SLC16A7: variants seen among roughly 807,000 people sequenced by gnomAD.
SLC16A7 encodes monocarboxylate transporter 2.
SLC16A7 carries 33 observed loss-of-function variants against 34.9 expected under a neutral mutation model. The ratio of observed to expected loss-of-function variants is 0.94; its 90% CI spans 0.72 to 1.26. The LOEUF is 1.26. Ranked by LOEUF, SLC16A7 falls within the 50% of genes most tolerant of loss-of-function variation. The pLI is 0.00. For synonymous variants in SLC16A7, 201 were observed against 206.6 expected (o/e 0.97, Z 0.23); for missense variants, 573 against 578.1 (o/e 0.99, Z 0.09).
intron 1 of SLC16A7, among the ~76,000 whole-genome samples, chr12:59,604,407 TA>T (rs1159015047): frequency 6.6e-6 from 1 of 152,228 alleles, no homozygotes; most frequent in Non-Finnish European, 1.5e-5. Context: ...AATTGGAAAT[TA>T]GCCACTCAGT....
intron 1 of SLC16A7, among the ~76,000 whole-genome samples, chr12:59,636,395 C>T (rs1880427370): frequency 6.6e-6 from 1 of 151,986 alleles, no homozygotes; most frequent in Admixed American, 6.6e-5. Flanking sequence ...TTAAGTTATT[C>T]TACAGAATGT....
chr12:59,729,858 TAC>T (rs1289888574), intron 3 of SLC16A7, among the ~76,000 whole-genome samples: 2 of 152,226 alleles, frequency 1.3e-5, no homozygotes, highest in Non-Finnish European at 2.9e-5. Flanking sequence ...TAGCTGACCC[TAC>T]ACCTGGAAAG....
chr12:59,635,110 A>G (rs1232822369), intron 1 of SLC16A7, among the ~76,000 whole-genome samples: 5 of 152,050 alleles, frequency 3.3e-5, no homozygotes, highest in Non-Finnish European at 7.4e-5. Flanking sequence ...TCATGCAGCC[A>G]TTAGCTTTTG....
At chr12:59,755,259 A>G (rs1399319736) in intron 3 of SLC16A7, among the ~76,000 whole-genome samples, 2 of 152,164 alleles carry the variant, frequency 1.3e-5, no homozygotes, top group African/African-American at 2.4e-5. Flanking sequence ...GGCCAGGGCA[A>G]TTAGGCAGGG....
At chr12:59,692,056 A>G (rs995534744) in intron 2 of SLC16A7, among the ~76,000 whole-genome samples, 2 of 151,988 alleles carry the variant, frequency 1.3e-5, no homozygotes, top group East Asian at 1.9e-4. Context: ...GAAGAACCAC[A>G]TTCCTTAAAA....
chr12:59,696,190 T>C (rs947989475), intron 2 of SLC16A7, among the ~76,000 whole-genome samples: 1 of 151,930 alleles, frequency 6.6e-6, no homozygotes, highest in Non-Finnish European at 1.5e-5. Flanking sequence ...AATCTTATAC[T>C]TTTTATTTTA....
At chr12:59,597,235 A>G (rs895615259) in intron 1 of SLC16A7, 2 of 147,724 alleles carry the variant, frequency 1.4e-5, no homozygotes, top group Non-Finnish European at 3.0e-5. Context: ...ACACACACAC[A>G]CACACACACA....
chr12:59,635,235 C>T (rs1176289719), intron 1 of SLC16A7, among the ~76,000 whole-genome samples: 1 of 152,038 alleles, frequency 6.6e-6, no homozygotes, highest in Admixed American at 6.6e-5. Flanking sequence ...TATCAGCTTT[C>T]TACTTGTTGG....
chr12:59,639,624 G>A (rs1046966841), intron 1 of SLC16A7, among the ~76,000 whole-genome samples: 2 of 152,114 alleles, frequency 1.3e-5, no homozygotes, highest in African/African-American at 4.8e-5. Flanking sequence ...GGGCTCAAGA[G>A]ATTCTCCCAT....
chr12:59,637,195 A>G (rs1244376099), intron 1 of SLC16A7, among the ~76,000 whole-genome samples: 1 of 152,132 alleles, frequency 6.6e-6, no homozygotes, highest in Admixed American at 6.6e-5. Context: ...TGAAAGGGAA[A>G]GAAACCAACA....
intron 2 of SLC16A7, among the ~76,000 whole-genome samples, chr12:59,697,695 C>T (rs1306643728): frequency 6.6e-6 from 1 of 151,388 alleles, no homozygotes; most frequent in Admixed American, 6.6e-5. Context: ...TATTGCTGCC[C>T]CTGTCTAGAA....
intron 1 of SLC16A7, among the ~76,000 whole-genome samples, chr12:59,647,596 G>A (rs1282444352): frequency 6.7e-6 from 1 of 148,502 alleles, no homozygotes; most frequent in Admixed American, 6.7e-5. Context: ...ATCACATCAG[G>A]TAAAGTTGTG....
At position 59,775,322 on chromosome 12, in the gene SLC16A7, T is replaced by C. The variant is rs1461093667; in HGVS notation, c.1027T>C (p.Tyr343His). ...ACAGGACTACACAAGCCTGGTATTA[T>C]ATGCTGTATTTTTTGGCCTTGGATT... is the stretch of plus-strand genomic sequence containing the variant. ...LAQDYTSLVLYAVFFGLGFGS... is the reference protein window; with the variant it reads ...LAQDYTSLVLHAVFFGLGFGS... The change falls in exon 5 of 6, where the codon TAT (tyrosine) becomes CAT (histidine). Residue 343 changes from tyrosine (Y) to histidine (H), a missense_variant. Tyr to His is a moderately conservative substitution (Grantham distance 83). Transcript: ENST00000547379. 1.2e-6 allele frequency: 2 copies of C among 1,614,088 alleles called. No individual in the cohort carries two copies. The highest frequency in any genetic ancestry group is 1.7e-6 in the Non-Finnish European group (2 of 1,180,024).
At chr12:59,730,759 A>T (rs1876855987) in intron 3 of SLC16A7, among the ~76,000 whole-genome samples, 1 of 152,184 alleles carries the variant, frequency 6.6e-6, no homozygotes, top group South Asian at 2.1e-4. Context: ...AAATACTTGC[A>T]TTTCAGAATG....
Position 59,602,715 on chromosome 12 carries a change from C to G in SLC16A7, c.-130+6479C>G, listed in dbSNP as rs145995038. ...GGCCAGGCTGGTCTCGAACTCCTGA[C>G]CTCAAGTGATCTGCCCACCTTGGCC... is the stretch of plus-strand genomic sequence containing the variant. On this transcript the variant is annotated intron_variant, in intron 1 of 5. Transcript: ENST00000547379. 7.2e-5 allele frequency among the ~76,000 whole-genome samples: 11 copies of G among 152,112 alleles called. No individual in the cohort carries two copies. The East Asian group carries it at 2.1e-3, about 30-fold the overall frequency.
chr12:59,766,606 T>C (rs533705345), intron 3 of SLC16A7, among the ~76,000 whole-genome samples: 1 of 152,332 alleles, frequency 6.6e-6, no homozygotes, highest in East Asian at 1.9e-4. Flanking sequence ...TTTTTGTCTT[T>C]GGTTCTGTTT....
chr12:59,673,620 A>G (rs1174397755), intron 2 of SLC16A7, among the ~76,000 whole-genome samples: 1 of 152,114 alleles, frequency 6.6e-6, no homozygotes, highest in East Asian at 1.9e-4. Flanking sequence ...TGTCTCATAT[A>G]ACCCAAAAGG....
At chr12:59,622,015 T>A (rs1263685793) in intron 1 of SLC16A7, among the ~76,000 whole-genome samples, 3 of 151,892 alleles carry the variant, frequency 2.0e-5, no homozygotes, top group South Asian at 2.1e-4. Flanking sequence ...AATTAATGCC[T>A]TAGTTACTGT....
At chr12:59,763,177 T>C (rs1334953550) in intron 3 of SLC16A7, among the ~76,000 whole-genome samples, 1 of 152,096 alleles carries the variant, frequency 6.6e-6, no homozygotes, top group East Asian at 1.9e-4. Flanking sequence ...GCATCCTGTA[T>C]ATCTATAGAT....
Sources: allele counts gnomAD v4.1 joint callset (sites outside exome capture counted in the v4.1 genomes callset), GRCh38; gene constraint gnomAD v4.1.1; transcripts MANE v1.5; gene names NCBI Gene and HGNC (gene_info 2026-07-23, HGNC 2026-07-21).